Variants in METTL16 observed in about 807,000 individuals in gnomAD.
METTL16 encodes the protein RNA N(6)-adenosine-methyltransferase METTL16.
A neutral mutation model predicts 57.9 loss-of-function variants in METTL16; 19 were observed. The ratio of observed to expected loss-of-function variants is 0.33; its 90% CI spans 0.23 to 0.48. The LOEUF is 0.48. Ranked by LOEUF, METTL16 falls within the 20% of genes least tolerant of loss-of-function variation. The probability of loss-of-function intolerance (pLI) is 0.99; values close to 1 mark genes in which losing one functional copy is unlikely to be tolerated. For synonymous variants in METTL16, 246 were observed against 255.6 expected (o/e 0.96, Z 0.36); for missense variants, 434 against 691.5 (o/e 0.63, Z 4.18).
intron 1 of METTL16, among the ~76,000 whole-genome samples, chr17:2,507,404 C>T (rs1193356121): frequency 1.7e-4 from 25 of 148,034 alleles, no homozygotes; most frequent in African/African-American, 5.5e-4. Flanking sequence ...CCCGGCCAGC[C>T]GCCCCATCCG....
At chr17:2,496,248 T>C (rs60454289) in intron 2 of METTL16, among the ~76,000 whole-genome samples, 6,346 of 151,858 alleles carry the variant, frequency 0.042, 196 homozygotes, top group Non-Finnish European at 0.053. Flanking sequence ...CTCTTCTCTG[T>C]ATATTTCTGT....
chr17:2,447,944 G>GT (rs2067022873), intron 6 of METTL16, among the ~76,000 whole-genome samples: 1 of 117,274 alleles, frequency 8.5e-6, no homozygotes, highest in Non-Finnish European at 1.8e-5. Flanking sequence ...CGTCCGGGAG[G>GT]GAGGTGGGGG....
At chr17:2,448,882 C>T (rs917310272) in intron 6 of METTL16, among the ~76,000 whole-genome samples, 2 of 138,512 alleles carry the variant, frequency 1.4e-5, no homozygotes, top group African/African-American at 2.6e-5. Context: ...CAAAAATTAG[C>T]TGGGTGTGGT....
intron 2 of METTL16, among the ~76,000 whole-genome samples, chr17:2,481,953 T>C (rs1355914594): frequency 6.6e-6 from 1 of 152,166 alleles, no homozygotes; most frequent in Non-Finnish European, 1.5e-5. Flanking sequence ...TGCTTTTAGA[T>C]GTCCACACAG....
At chr17:2,441,373 T>C in intron 7 of METTL16, 117 bp downstream of exon 7, 1 of 654,816 alleles carries the variant, frequency 1.5e-6, no homozygotes, top group East Asian at 3.3e-5. Flanking sequence ...CGGTGACAGT[T>C]ACACTGAAAG....
intron 2 of METTL16, among the ~76,000 whole-genome samples, chr17:2,491,799 T>A (rs1345267201): frequency 2.3e-5 from 3 of 132,260 alleles, no homozygotes; most frequent in Non-Finnish European, 4.6e-5. Flanking sequence ...GGCATGAACC[T>A]GGGAGGCAGA....
chr17:2,493,086 T>C (rs1358768303), intron 2 of METTL16, among the ~76,000 whole-genome samples: 1 of 151,648 alleles, frequency 6.6e-6, no homozygotes, highest in African/African-American at 2.4e-5. Flanking sequence ...TTGTGTGACA[T>C]TTCTTTTCCA....
In METTL16 at chr17:2,500,405, G is replaced by A. The variant is rs146596476; in HGVS notation, c.128+1799C>T. On this transcript the variant is annotated intron_variant, in intron 2 of 9. Transcript: ENST00000263092. ...GATTCTCCTGCCTCACTCAGCCTCC[G>A]GAGTAGCTGGGATTACAGGCTTGCG... 6.2e-4 allele frequency among the ~76,000 whole-genome samples: 94 copies of A among 151,852 alleles called. 1 individual carries two copies. In the South Asian group the frequency reaches 0.013, roughly 21 times the overall value.
At chr17:2,487,003 CAAAAAAAA>C (rs11397318) in intron 2 of METTL16, among the ~76,000 whole-genome samples, 1 of 57,426 alleles carries the variant, frequency 1.7e-5, no homozygotes, top group African/African-American at 7.7e-5. Flanking sequence ...GATCCTGTCT[CAAAAAAAA>C]AAAAAAAAAA....
chr17:2,474,007 G>C (rs2067252847), intron 3 of METTL16, among the ~76,000 whole-genome samples: 1 of 152,124 alleles, frequency 6.6e-6, no homozygotes, highest in African/African-American at 2.4e-5. Flanking sequence ...AGTCATTCGT[G>C]TATGTTAGTC....
chr17:2,477,176 T>C (rs1247969633), intron 3 of METTL16, among the ~76,000 whole-genome samples: 6 of 151,770 alleles, frequency 4.0e-5, no homozygotes, highest in Non-Finnish European at 8.8e-5. Flanking sequence ...CATCTCAAAA[T>C]AAAAAAATTT....
At chr17:2,447,909 C>T (rs2074946568) in intron 6 of METTL16, among the ~76,000 whole-genome samples, 1 of 93,178 alleles carries the variant, frequency 1.1e-5, no homozygotes. Flanking sequence ...TGGGGGGGGT[C>T]AGCCCCCCGC....
chr17:2,454,782 T>C (rs1597452144), intron 6 of METTL16, among the ~76,000 whole-genome samples: 2 of 151,842 alleles, frequency 1.3e-5, no homozygotes, highest in South Asian at 2.1e-4. Flanking sequence ...CAGGCTGATC[T>C]TGAACTCCCG....
At chr17:2,424,668 G>T (rs1044229194) in intron 8 of METTL16, among the ~76,000 whole-genome samples, 2 of 152,120 alleles carry the variant, frequency 1.3e-5, no homozygotes, top group Non-Finnish European at 2.9e-5. Context: ...AGACAGACAG[G>T]CCAGGCGCAG....
chr17:2,441,505 C>T lies in METTL16; in HGVS notation c.783G>A (p.Glu261=). Reference sequence around the variant, plus strand: ...GAAGCCTCACCCCTTGTATGCGAAGCTCCTCCTTCAGAGGCGCCAGGCTGC... The same window carrying T: ...GAAGCCTCACCCCTTGTATGCGAAGTTCCTCCTTCAGAGGCGCCAGGCTGC... ...KKCSLAPLKE[E]LRIQGVPKVT... The change falls in exon 7 of 10, where the codon GAG becomes GAA. Residue 261 remains glutamate, a synonymous_variant. Transcript: ENST00000263092. 4 of 1,597,550 alleles carry T rather than the reference C, an allele frequency of 2.5e-6. No individual in the cohort carries two copies. The highest frequency in any genetic ancestry group is 1.7e-4 in the Middle Eastern group (1 of 6,028).
intron 2 of METTL16, among the ~76,000 whole-genome samples, chr17:2,493,664 A>C (rs2067418519): frequency 6.7e-6 from 1 of 149,680 alleles, no homozygotes; most frequent in South Asian, 2.2e-4. Flanking sequence ...GGTTGCAGTG[A>C]GCCGAGATTG....
intron 2 of METTL16, among the ~76,000 whole-genome samples, chr17:2,484,858 C>G (rs1343329631): frequency 1.3e-5 from 2 of 152,164 alleles, no homozygotes; most frequent in Admixed American, 6.5e-5. Context: ...CTCTCTAATA[C>G]TTTCAAACAA....
intron 6 of METTL16, among the ~76,000 whole-genome samples, chr17:2,444,160 C>T (rs906724379): frequency 2.0e-5 from 3 of 152,076 alleles, no homozygotes; most frequent in African/African-American, 4.8e-5. Flanking sequence ...AACAGGGGGT[C>T]CCATAAGATT....
intron 6 of METTL16, among the ~76,000 whole-genome samples, chr17:2,461,162 G>A (rs193189062): frequency 5.9e-4 from 90 of 152,188 alleles, no homozygotes; most frequent in Non-Finnish European, 1.1e-3. Context: ...AGACCAGCCT[G>A]GCCAACATGG....
Sources: gnomAD v4.1 joint callset for allele counts (sites outside exome capture counted in the v4.1 genomes callset) on GRCh38, gnomAD v4.1.1 for gene constraint, MANE v1.5 for transcripts, NCBI Gene and HGNC (gene_info 2026-07-23, HGNC 2026-07-21) for gene names.